The following ADAM8 variants were observed in gnomAD, a reference collection of about 807,000 sequenced individuals.
The protein encoded by ADAM8 is ADAM metallopeptidase domain 8.
A neutral mutation model predicts 102.4 loss-of-function variants in ADAM8; 104 were observed. The observed-to-expected ratio is 1.02, with a 90% CI of 0.87 to 1.20. The LOEUF is 1.20. ADAM8 is among the 50% of genes most tolerant of loss of function. The pLI is 0.00. For missense variants in ADAM8, 1,132 were observed against 1,159.0 expected (o/e 0.98, Z 0.34); for synonymous variants, 517 against 485.2 (o/e 1.07, Z -0.86).
In ADAM8 at chr10:133,268,681, T is replaced by C. The variant is rs561919792; in HGVS notation, c.2063+67A>G. The stretch of plus-strand genomic sequence containing the variant: ...TCCACCATGGGCCCGTGCTGGGCAC[T>C]CCTTCCTCTGGCAGCTGAGCACGGG... On this transcript the variant is annotated intron_variant, in intron 19 of 22. Transcript: ENST00000445355. 1.8e-3 allele frequency: 2,750 copies of C among 1,517,820 alleles called. 3 individuals carry two copies. The highest frequency in any genetic ancestry group is 2.3e-3 in the Non-Finnish European group (2,602 of 1,122,078). 94.0% of individuals were successfully genotyped at this position (1,517,820 alleles called of 1,614,324 possible).
At position 133,270,502 on chromosome 10, in the gene ADAM8, A is replaced by T; in HGVS notation, c.1643T>A (p.Met548Lys). Residue 548 changes from methionine (M) to lysine (K), a missense_variant, in exon 16 of 23, where the codon ATG becomes AAG. Transcript: ENST00000445355. Reference protein sequence around the residue: ...GCKASRYRADMCGVLQCKGGQ... With the variant: ...GCKASRYRADKCGVLQCKGGQ... ...ACCCTTGCACTGCAGAACGCCACACATGTCAGCCCTGTGGATGGACGGCAG... is the reference window on the plus strand; with the variant it reads ...ACCCTTGCACTGCAGAACGCCACACTTGTCAGCCCTGTGGATGGACGGCAG... 1 of 1,581,872 alleles carries T rather than the reference A, an allele frequency of 6.3e-7. No homozygotes were observed. The highest frequency in any genetic ancestry group is 1.3e-5 in the African/African-American group (1 of 74,438).
At chr10:133,268,899 C>T (rs534658126) in intron 18 of ADAM8, 37 bp from the exon 19 acceptor site, 32 of 1,590,392 alleles carry the variant, frequency 2.0e-5, no homozygotes, top group East Asian at 9.0e-5. Flanking sequence ...GCAGGCAGGC[C>T]GCGACCTCAG....
rs200895829 is a variant in ADAM8 at position 133,272,780 on chromosome 10, G to C, written c.705+18C>G. 3.3e-3 allele frequency: 5,277 copies of C among 1,603,084 alleles called. 11 individuals carry two copies. The highest frequency in any genetic ancestry group is 4.3e-3 in the Non-Finnish European group (4,999 of 1,174,726). Reference sequence around the variant, plus strand: ...CGCCAGGGGCTCTGGCACCTCTGCAGCCAGGACCGCTGCCCACCTTGTCCA... The same window carrying C: ...CGCCAGGGGCTCTGGCACCTCTGCACCCAGGACCGCTGCCCACCTTGTCCA... On this transcript the variant is annotated intron_variant, in intron 8 of 22. Transcript: ENST00000445355.
chr10:133,263,101 G>A lies in ADAM8; in HGVS notation c.*55C>T, dbSNP rs759035466. ...TAGCTGGACCGTGGAATGCTGGAAC[G>A]CATGGCTTCTCTGCCGCAACTTCTC... On this transcript the variant is annotated 3_prime_UTR_variant, in exon 23 of 23. Transcript: ENST00000445355. 1.1e-5 allele frequency: 18 copies of A among 1,592,510 alleles called. No individual in the cohort carries two copies. The highest frequency in any genetic ancestry group is 3.3e-5 in the South Asian group (3 of 90,606).
chr10:133,270,849 A>T, intron 14 of ADAM8, 32 bp downstream of exon 14: 1 of 1,610,200 alleles, frequency 6.2e-7, no homozygotes, highest in Non-Finnish European at 8.5e-7. Flanking sequence ...GCCTGCAGCC[A>T]CCCTGCCAGG....
Position 133,272,291 on chromosome 10 carries a change from C to T in ADAM8, c.876-17G>A. 1 of 1,515,384 alleles carries T rather than the reference C, an allele frequency of 6.6e-7. No homozygotes were observed. The allele number at this position is 1,515,384 out of a possible 1,614,324, so 93.9% of individuals were successfully genotyped here. The stretch of plus-strand genomic sequence containing the variant: ...TCGACACCCCTGGAAGTGGGAGTGA[C>T]ACAGATGCCCTGGACACGGCTCCCT... On this transcript the variant is annotated splice_polypyrimidine_tract_variant and intron_variant, in intron 9 of 22. Coordinates refer to ENST00000445355, the MANE Select transcript of ADAM8 (RefSeq NM_001109.5).
chr10:133,263,176 C>G lies in ADAM8; in HGVS notation c.2455G>C (p.Gly819Arg). The G allele has an allele frequency of 6.2e-7, 1 of 1,613,830 alleles. No homozygotes were observed. The highest frequency in any genetic ancestry group is 8.5e-7 in the Non-Finnish European group (1 of 1,179,792). ...KPPIQRKQGA[G>R]APTAP Reference sequence around the variant, plus strand: ...CCCCCCTAGGGTGCTGTGGGAGCTCCGGCTCCTTGCTTCCTCTGGATGGGG... The same window carrying G: ...CCCCCCTAGGGTGCTGTGGGAGCTCGGGCTCCTTGCTTCCTCTGGATGGGG... The change falls in exon 23 of 23, where the codon GGA (glycine) becomes CGA (arginine). Residue 819 changes from glycine to arginine, a missense_variant. Physicochemically the swap from Gly to Arg is moderately radical, Grantham distance 125. Coordinates refer to ENST00000445355, the MANE Select transcript of ADAM8 (RefSeq NM_001109.5).
Position 133,267,433 on chromosome 10 carries a change from C to T in ADAM8, c.2254-16G>A. ...TGACCGGAGGCTGGAGGAGACAGGG[C>T]CGAGAGCCTGGGTCAGAGCTGGGAC... On this transcript the variant is annotated splice_polypyrimidine_tract_variant and intron_variant, in intron 20 of 22. Transcript: ENST00000445355. The T allele has an allele frequency of 6.2e-7, 1 of 1,602,488 alleles. No homozygotes were observed. The highest frequency in any genetic ancestry group is 1.1e-5 in the South Asian group (1 of 88,852).
intron 22 of ADAM8, 89 bp from the exon 23 acceptor site, chr10:133,263,322 A>G: frequency 7.2e-6 from 9 of 1,257,890 alleles, no homozygotes; most frequent in Non-Finnish European, 8.7e-6. Flanking sequence ...GTCCTTTAAC[A>G]TCTCTTAAAA....
chr10:133,263,345 G>A, intron 22 of ADAM8, 112 bp from the exon 23 acceptor site: 2 of 1,086,850 alleles, frequency 1.8e-6, no homozygotes, highest in South Asian at 1.7e-5. Context: ...TGGATTCTTG[G>A]TTCATCCACC....
chr10:133,272,712 G>C, intron 8 of ADAM8, 86 bp downstream of exon 8: 2 of 1,530,970 alleles, frequency 1.3e-6, no homozygotes, highest in South Asian at 2.5e-5. Context: ...GGCAGAGCTG[G>C]AGCAGGTGGA....
At position 133,271,788 on chromosome 10, in the gene ADAM8, AG is replaced by A; in HGVS notation, c.1106+17del. ...TACCTCCAGCATACCCTGGCTCTGC[AG>A]GGCCTGGCCGCCTCACCCAATGCTG... On this transcript the variant is annotated intron_variant, in intron 11 of 22. Transcript: ENST00000445355. 1 of 1,569,524 alleles carries A rather than the reference AG, an allele frequency of 6.4e-7. No homozygotes were observed. Among genetic ancestry groups the A allele is most frequent in the Non-Finnish European group, 8.6e-7 (1 of 1,158,248 alleles).
Position 133,272,972 on chromosome 10 carries a change from G to C in ADAM8, c.621C>G (p.Val207=). 6.2e-7 allele frequency: 1 copy of C among 1,612,728 alleles called. No homozygotes were observed. Among genetic ancestry groups the C allele is most frequent in the Non-Finnish European group, 8.5e-7 (1 of 1,179,874 alleles). Residue 207 remains valine (V), a synonymous_variant, in exon 7 of 23, where the codon GTC becomes GTG. Coordinates refer to ENST00000445355, the MANE Select transcript of ADAM8 (RefSeq NM_001109.5). The stretch of plus-strand genomic sequence containing the variant: ...CCCAACACACCTCTGCATTGTCCAC[G>C]ACCACATACAGCTCCACGTAGCGGG... The part of the protein sequence containing the change: ...RETRYVELYV[V]VDNAEFQMLG...
At chr10:133,274,984 G>A in intron 2 of ADAM8, 2 of 348,806 alleles carry the variant, frequency 5.7e-6, no homozygotes, top group South Asian at 2.0e-5. Context: ...GGCCGGAACT[G>A]CCCTCCCTGG....
intron 1 of ADAM8, among the ~76,000 whole-genome samples, chr10:133,276,204 A>T (rs957130703): frequency 1.3e-5 from 2 of 152,186 alleles, no homozygotes; most frequent in Non-Finnish European, 2.9e-5. Context: ...GCAGGGGAGC[A>T]GCCAGCCCCT....
intron 19 of ADAM8, 152 bp from the exon 20 acceptor site, chr10:133,268,270 C>T (rs1269712906): frequency 1.8e-5 from 13 of 742,330 alleles, no homozygotes; most frequent in African/African-American, 7.3e-5. Flanking sequence ...GGAGGTGGGG[C>T]GGACCCTGAA....
chr10:133,271,195 C>G lies in ADAM8; in HGVS notation c.1374+5G>C. ...TGGGGGTCACTGGTGGGAGGCTGCA[C>G]TCACCTTGCACTCCTGGCAGCAGGT... On this transcript the variant is annotated splice_donor_5th_base_variant and intron_variant, in intron 13 of 22. Transcript: ENST00000445355. The G allele has an allele frequency of 6.2e-7, 1 of 1,610,332 alleles. No homozygotes were observed. Among genetic ancestry groups the G allele is most frequent in the Non-Finnish European group, 8.5e-7 (1 of 1,178,726 alleles).
At chr10:133,276,333 TC>T (rs1324541388) in intron 1 of ADAM8, among the ~76,000 whole-genome samples, 1 of 151,558 alleles carries the variant, frequency 6.6e-6, no homozygotes, top group Non-Finnish European at 1.5e-5. Flanking sequence ...CCCCATGTCC[TC>T]CCCCAGGCAG....
rs1218409110 is a variant in ADAM8, at chr10:133,262,961, C to T, written c.*195G>A. ...CAGCTGGGGCTACACGTGGCCAAGG[C>T]GGGGAGAAGGAATTGGCTGAGGGCG... On this transcript the variant is annotated 3_prime_UTR_variant, in exon 23 of 23. Coordinates refer to ENST00000445355, the MANE Select transcript of ADAM8 (RefSeq NM_001109.5). 2.1e-5 allele frequency: 15 copies of T among 722,988 alleles called. No homozygotes were observed. The highest frequency in any genetic ancestry group is 3.5e-5 in the African/African-American group (2 of 57,246). The allele number at this position is 722,988 out of a possible 1,614,324, so 44.8% of individuals were successfully genotyped here.
Sources: gnomAD v4.1 joint callset for allele counts (sites outside exome capture counted in the v4.1 genomes callset) on GRCh38, gnomAD v4.1.1 for gene constraint, MANE v1.5 for transcripts, NCBI Gene and HGNC (gene_info 2026-07-23, HGNC 2026-07-21) for gene names.